The following CARNMT1 variants were observed in gnomAD, a reference collection of about 807,000 sequenced individuals.
CARNMT1 encodes the protein protein-L-histidine N-pros-methyltransferase CARNMT1.
In CARNMT1, 28 loss-of-function variants were observed where a neutral mutation model predicts 49.6. The ratio of observed to expected loss-of-function variants is 0.56; its 90% CI spans 0.42 to 0.77. The LOEUF is 0.77. Among genes scored for constraint, CARNMT1 ranks in the 30% least tolerant of loss-of-function variants. The pLI, the probability that CARNMT1 is intolerant of heterozygous loss-of-function variation, is 0.00. For missense variants in CARNMT1, 421 were observed against 512.6 expected (o/e 0.82, Z 1.73); for synonymous variants, 178 against 175.0 (o/e 1.02, Z -0.13).
intron 1 of CARNMT1, among the ~76,000 whole-genome samples, chr9:75,026,418 ATT>A (rs1822531408): frequency 6.6e-6 from 1 of 152,208 alleles, no homozygotes; most frequent in Admixed American, 6.5e-5. Flanking sequence ...ATTTCCCAAT[ATT>A]CTTTCTAGAT....
chr9:75,000,045 T>C (rs1833308205), intron 3 of CARNMT1, among the ~76,000 whole-genome samples, 175 bp from the exon 4 acceptor site: 2 of 152,162 alleles, frequency 1.3e-5, no homozygotes, highest in Admixed American at 6.6e-5. Context: ...TAAGGAATTA[T>C]TATGTATGTT....
rs1013327501 is a variant in CARNMT1, at chr9:75,028,160, C to T, written c.82G>A (p.Val28Met). The change falls in exon 1 of 8, where the codon GTG (valine) becomes ATG (methionine). Residue 28 changes from valine to methionine, a missense_variant. By Grantham distance (21) the Val-to-Met change is conservative. Transcript: ENST00000376834. Reference sequence around the variant, plus strand: ...CGCCCGGCGGAAAACTGCACTTCCACCTCCTCGCTGCCACCGCCTCCTCCC... The same window carrying T: ...CGCCCGGCGGAAAACTGCACTTCCATCTCCTCGCTGCCACCGCCTCCTCCC... ...CGGGGGGSEEVEVQFSAGRWG... is the reference protein window; with the variant it reads ...CGGGGGGSEEMEVQFSAGRWG... 2 of 1,533,106 alleles carry T rather than the reference C, an allele frequency of 1.3e-6. No individual in the cohort carries two copies. Among genetic ancestry groups the T allele is most frequent in the African/African-American group, 1.4e-5 (1 of 69,512 alleles). The allele number at this position is 1,533,106 out of a possible 1,614,324, so 95.0% of individuals were successfully genotyped here.
chr9:75,016,905 G>A (rs1833872976), intron 2 of CARNMT1: 1 of 342,904 alleles, frequency 2.9e-6, no homozygotes, highest in Non-Finnish European at 5.2e-6. Context: ...AACAGCAATA[G>A]ATACAAGACA....
intron 6 of CARNMT1, among the ~76,000 whole-genome samples, chr9:74,986,760 A>C (rs1008106536): frequency 6.6e-6 from 1 of 152,170 alleles, no homozygotes; most frequent in African/African-American, 2.4e-5. Flanking sequence ...CCAAGTCTTC[A>C]TCCCTACTGC....
At chr9:75,008,874 C>G (rs1587284488) in intron 3 of CARNMT1, among the ~76,000 whole-genome samples, 1 of 152,058 alleles carries the variant, frequency 6.6e-6, no homozygotes, top group Non-Finnish European at 1.5e-5. Flanking sequence ...TGAAAAACAA[C>G]AAACGAGGAC....
At chr9:75,010,802 G>GGGTGGGGAGAAGGGTGGGGAGAAT (rs1833667830) in intron 3 of CARNMT1, among the ~76,000 whole-genome samples, 2 of 149,134 alleles carry the variant, frequency 1.3e-5, no homozygotes, top group Non-Finnish European at 3.0e-5. Flanking sequence ...GGTAGAGGCA[G>GGGTGGGGAGAAGGGTGGGGAGAAT]GGTGGGGAGA....
At chr9:75,003,586 AATCTC>A (rs1452465092) in intron 3 of CARNMT1, among the ~76,000 whole-genome samples, 1 of 152,266 alleles carries the variant, frequency 6.6e-6, no homozygotes, top group Non-Finnish European at 1.5e-5. Context: ...AATACCCCTG[AATCTC>A]CTTCACAGCA....
chr9:75,013,232 A>G lies in CARNMT1; in HGVS notation c.590+3036T>C, dbSNP rs1275581210. ...TTTATTATGGTGCAATTAAGTGCCA[A>G]CTGATATTTCTCACCATGGACTGGT... On this transcript the variant is annotated intron_variant, in intron 3 of 7. Coordinates refer to ENST00000376834, the MANE Select transcript of CARNMT1 (RefSeq NM_152420.3). Among the ~76,000 whole-genome samples, 75 of 152,180 alleles carry G rather than the reference A, an allele frequency of 4.9e-4. 1 individual carries two copies. The highest frequency in any genetic ancestry group is 1.9e-4 in the Non-Finnish European group (13 of 68,030).
At chr9:74,984,837 C>T (rs1832783022) in intron 7 of CARNMT1, 70 bp downstream of exon 7, 1 of 951,048 alleles carries the variant, frequency 1.1e-6, no homozygotes, top group Non-Finnish European at 1.7e-6. Flanking sequence ...TCACTAACAG[C>T]CATGATATCA....
intron 6 of CARNMT1, among the ~76,000 whole-genome samples, chr9:74,988,836 C>T (rs113959787): frequency 1.6e-4 from 24 of 152,242 alleles, no homozygotes; most frequent in African/African-American, 5.5e-4. Flanking sequence ...CTGTAGTTTG[C>T]CAACCCCTGA....
chr9:75,024,188 A>G (rs550684703), intron 1 of CARNMT1, among the ~76,000 whole-genome samples: 1 of 152,242 alleles, frequency 6.6e-6, no homozygotes, highest in Non-Finnish European at 1.5e-5. Flanking sequence ...TAGAAAAAAC[A>G]TAACTTGTCA....
chr9:74,996,399 A>G (rs1357126637), intron 6 of CARNMT1, 48 bp downstream of exon 6: 1 of 886,074 alleles, frequency 1.1e-6, no homozygotes, highest in Non-Finnish European at 1.8e-6. Flanking sequence ...TACAGCTGTA[A>G]GTACTCAGAT....
At chr9:74,990,967 C>T (rs1832991958) in intron 6 of CARNMT1, among the ~76,000 whole-genome samples, 1 of 151,986 alleles carries the variant, frequency 6.6e-6, no homozygotes, top group Non-Finnish European at 1.5e-5. Context: ...TAAAGATTGC[C>T]ACAAAAAGGC....
In CARNMT1 at chr9:74,999,768, A is replaced by T. The variant is rs1467822450; in HGVS notation, c.693T>A (p.Ser231Arg). 1 of 1,612,550 alleles carries T rather than the reference A, an allele frequency of 6.2e-7. No individual in the cohort carries two copies. Among genetic ancestry groups the T allele is most frequent in the South Asian group, 1.1e-5 (1 of 90,828 alleles). ...AGTTGGAAGAAAAGAGCATAAAAAA[A>T]CTCCATTCATTTCCTTGACAAGCAT... is the stretch of plus-strand genomic sequence containing the variant. Reference protein sequence around the residue: ...LGYACQGNEWSFFMLFSSNFV... With the variant: ...LGYACQGNEWRFFMLFSSNFV... Residue 231 changes from serine to arginine, a missense_variant, in exon 4 of 8, where the codon AGT becomes AGA. By Grantham distance (110) the Ser-to-Arg change is moderately radical (BLOSUM62 -1). This residue lies in a region of CARNMT1 where 235 missense variants were observed against 344.8 expected (regional missense o/e 0.68). Transcript: ENST00000376834.
chr9:75,028,395 G>A (rs1587321215), upstream of CARNMT1: 10 of 1,293,176 alleles, frequency 7.7e-6, no homozygotes, highest in African/African-American at 4.7e-5. Context: ...CTCCATCCGC[G>A]CTGGGCTCCG....
At chr9:75,007,504 G>A (rs373985716) in intron 3 of CARNMT1, among the ~76,000 whole-genome samples, 1 of 152,006 alleles carries the variant, frequency 6.6e-6, no homozygotes, top group Non-Finnish European at 1.5e-5. Flanking sequence ...CAAGGTGGGT[G>A]GATCAATTGA....
intron 3 of CARNMT1, among the ~76,000 whole-genome samples, chr9:75,001,327 A>G (rs1833347533): frequency 6.6e-6 from 1 of 152,184 alleles, no homozygotes; most frequent in South Asian, 2.1e-4. Context: ...TGTTAACAAC[A>G]ATTATTTTGC....
At position 74,983,660 on chromosome 9, in the gene CARNMT1, C is replaced by A; in HGVS notation, c.*107G>T. On this transcript the variant is annotated 3_prime_UTR_variant, in exon 8 of 8. Transcript: ENST00000376834. Reference sequence around the variant, plus strand: ...AATTTCGTTAGGAATAAGAAGGCACCACTGATTTGAGGTTGTGTCCTGTCA... The same window carrying A: ...AATTTCGTTAGGAATAAGAAGGCACAACTGATTTGAGGTTGTGTCCTGTCA... 1.7e-6 allele frequency: 1 copy of A among 591,318 alleles called. No homozygotes were observed. The highest frequency in any genetic ancestry group is 2.7e-5 in the South Asian group (1 of 36,824). The allele number at this position is 591,318 out of a possible 1,614,324, so 36.6% of individuals were successfully genotyped here. A position where few individuals can be genotyped will look rare whatever the true frequency, so the allele number is the denominator to read the frequency against.
chr9:74,999,673 G>A, intron 4 of CARNMT1, 57 bp downstream of exon 4: 6 of 1,479,548 alleles, frequency 4.1e-6, no homozygotes, highest in South Asian at 1.3e-5. Flanking sequence ...CAAGAAAATA[G>A]GTAAGTCAAT....
Sources: allele counts gnomAD v4.1 joint callset (sites outside exome capture counted in the v4.1 genomes callset), GRCh38; gene constraint gnomAD v4.1.1; regional missense constraint gnomAD v4.1.1; transcripts MANE v1.5; gene names NCBI Gene and HGNC (gene_info 2026-07-23, HGNC 2026-07-21).